The following VGLL4 variants were observed in gnomAD, a reference collection of about 807,000 sequenced individuals.
VGLL4 encodes the protein transcription cofactor vestigial-like protein 4.
A neutral mutation model predicts 21.0 loss-of-function variants in VGLL4; 7 were observed. That is an observed-to-expected ratio of 0.33 (90% CI 0.19 to 0.63). The LOEUF is 0.63. VGLL4 is among the 20% of genes least tolerant of loss of function. VGLL4 has a pLI of 0.78. For missense variants in VGLL4, 394 were observed against 425.7 expected (o/e 0.93, Z 0.66); for synonymous variants, 222 against 173.2 (o/e 1.28, Z -2.21).
chr3:11,657,540 C>G (rs2075975450), intron 2 of VGLL4, among the ~76,000 whole-genome samples: 1 of 151,982 alleles, frequency 6.6e-6, no homozygotes, highest in African/African-American at 2.4e-5. Flanking sequence ...AGGATCTTAA[C>G]TAACCCAAAG....
intron 1 of VGLL4, among the ~76,000 whole-genome samples, chr3:11,634,229 C>G (rs1367074731): frequency 6.6e-6 from 1 of 152,158 alleles, no homozygotes; most frequent in Non-Finnish European, 1.5e-5. Flanking sequence ...GAACCTAGTC[C>G]TCTTCCTGTG....
At chr3:11,632,964 C>T (rs757769535) in intron 1 of VGLL4, among the ~76,000 whole-genome samples, 1 of 152,232 alleles carries the variant, frequency 6.6e-6, no homozygotes, top group Non-Finnish European at 1.5e-5. Flanking sequence ...GGGCAGCTAT[C>T]TGTAATCAAG....
At chr3:11,712,332 T>C (rs1247044539) in intron 1 of VGLL4, among the ~76,000 whole-genome samples, 5 of 152,162 alleles carry the variant, frequency 3.3e-5, no homozygotes, top group African/African-American at 4.8e-5. Flanking sequence ...GTAAAAAACA[T>C]TGCCTAACTA....
At chr3:11,623,956 G>A (rs1402919669) in intron 1 of VGLL4, among the ~76,000 whole-genome samples, 2 of 151,696 alleles carry the variant, frequency 1.3e-5, no homozygotes, top group Non-Finnish European at 2.9e-5. Flanking sequence ...TGCCCAGGCT[G>A]GTCTCGAACT....
chr3:11,702,335 C>T (rs1032286018), intron 2 of VGLL4, among the ~76,000 whole-genome samples: 9 of 151,688 alleles, frequency 5.9e-5, no homozygotes, highest in African/African-American at 1.7e-4. Flanking sequence ...TAAGGCCAGA[C>T]GTGGCAGCTC....
intron 2 of VGLL4, among the ~76,000 whole-genome samples, chr3:11,588,552 C>T (rs1445351811): frequency 6.6e-6 from 1 of 152,242 alleles, no homozygotes; most frequent in African/African-American, 2.4e-5. Context: ...TCAGAAACCA[C>T]CTTCTGACAC....
intron 2 of VGLL4, among the ~76,000 whole-genome samples, chr3:11,598,082 G>A (rs899904903): frequency 2.0e-5 from 3 of 151,958 alleles, no homozygotes; most frequent in Non-Finnish European, 2.9e-5. Flanking sequence ...CTAGTGCAAC[G>A]GCATGATCTC....
At chr3:11,603,414 G>C (rs1408190802) in intron 1 of VGLL4, among the ~76,000 whole-genome samples, 1 of 152,120 alleles carries the variant, frequency 6.6e-6, no homozygotes, top group African/African-American at 2.4e-5. Context: ...GTATGATCTT[G>C]GTTGGCCTAT....
intron 2 of VGLL4, among the ~76,000 whole-genome samples, chr3:11,590,118 T>C (rs995359217): frequency 6.6e-6 from 1 of 152,196 alleles, no homozygotes; most frequent in Admixed American, 6.5e-5. Flanking sequence ...CAGGGAACAC[T>C]TCCGTTTCCC....
intron 1 of VGLL4, among the ~76,000 whole-genome samples, chr3:11,621,331 T>C (rs767313938): frequency 1.3e-4 from 20 of 152,166 alleles, no homozygotes; most frequent in South Asian, 2.1e-4. Flanking sequence ...ACTCCCCATA[T>C]TCTCCTCTCT....
rs184478941 is a variant in VGLL4 at position 11,663,600 on chromosome 3, C to T, written c.64+39371G>A. ...AGGCGTGGTGGTGGGCACCTGTAAT[C>T]CCAGCTACTTGGGAGGCTGAGGCGG... On this transcript the variant is annotated intron_variant, in intron 2 of 5. Transcript: ENST00000273038. Among the ~76,000 whole-genome samples, 298 of 152,236 alleles carry T rather than the reference C, an allele frequency of 2.0e-3. No individual in the cohort carries two copies. In the Middle Eastern group the frequency reaches 0.027, roughly 14 times the overall value.
At chr3:11,656,251 A>G in intron 2 of VGLL4, among the ~76,000 whole-genome samples, 1 of 152,188 alleles carries the variant, frequency 6.6e-6, no homozygotes, top group Non-Finnish European at 1.5e-5. Flanking sequence ...TGCTTCCCAA[A>G]TATTAAAGTC....
chr3:11,558,998 A>G (rs1422669122), intron 4 of VGLL4, among the ~76,000 whole-genome samples, 171 bp from the exon 5 acceptor site: 4 of 152,182 alleles, frequency 2.6e-5, no homozygotes, highest in Non-Finnish European at 4.4e-5. Flanking sequence ...TGGGCAGGTC[A>G]CTTTTCTGTA....
chr3:11,642,040 G>C (rs6778258), intron 1 of VGLL4, among the ~76,000 whole-genome samples: 18,903 of 149,898 alleles, frequency 0.13, 2,886 homozygotes, highest in African/African-American at 0.36. Context: ...AAAAAAACAA[G>C]AAAAACAAAA....
intron 2 of VGLL4, among the ~76,000 whole-genome samples, chr3:11,599,379 A>G (rs73814913): frequency 0.01 from 1,581 of 151,244 alleles, 15 homozygotes; most frequent in African/African-American, 0.036. Context: ...CTATTTTCCT[A>G]AAACTTTGCA....
chr3:11,570,413 T>C (rs950393492), intron 2 of VGLL4, among the ~76,000 whole-genome samples: 3 of 152,214 alleles, frequency 2.0e-5, no homozygotes, highest in African/African-American at 7.2e-5. Context: ...ACGCTGGCTT[T>C]CTCAGTCAGT....
Position 11,614,296 on chromosome 3 carries a change from G to A in VGLL4, c.83-12274C>T, listed in dbSNP as rs376889805. 2.6e-5 allele frequency among the ~76,000 whole-genome samples: 4 copies of A among 152,230 alleles called. 1 individual carries two copies. The South Asian group carries it at 6.2e-4, about 24-fold the overall frequency. On this transcript the variant is annotated intron_variant, in intron 1 of 4. Transcript: ENST00000430365. Reference sequence around the variant, plus strand: ...TACCTGGGCTGAGCTGCCTGGCAGCGTCCCTTGTGACGTGCTGCTGGCTCC... The same window carrying A: ...TACCTGGGCTGAGCTGCCTGGCAGCATCCCTTGTGACGTGCTGCTGGCTCC...
At chr3:11,563,123 G>A (rs1403337142) in intron 3 of VGLL4, among the ~76,000 whole-genome samples, 8 of 152,316 alleles carry the variant, frequency 5.3e-5, no homozygotes, top group East Asian at 1.9e-4. Flanking sequence ...CACTAAGCCC[G>A]CCAAGGGCCC....
At chr3:11,660,164 A>G (rs1275132270) in intron 2 of VGLL4, among the ~76,000 whole-genome samples, 1 of 151,546 alleles carries the variant, frequency 6.6e-6, no homozygotes, top group Non-Finnish European at 1.5e-5. Flanking sequence ...TCCATCTCAA[A>G]AAAAAAAAAA....
Sources: allele counts gnomAD v4.1 joint callset (sites outside exome capture counted in the v4.1 genomes callset), GRCh38; gene constraint gnomAD v4.1.1; transcripts MANE v1.5; gene names NCBI Gene and HGNC (gene_info 2026-07-23, HGNC 2026-07-21).